EIF2AK2: variants seen among roughly 807,000 people sequenced by gnomAD.
EIF2AK2 encodes eukaryotic translation initiation factor 2 alpha kinase 2.
EIF2AK2 carries 40 observed loss-of-function variants against 70.5 expected under a neutral mutation model. The observed-to-expected ratio is 0.57, with a 90% confidence interval of 0.44 to 0.74. The LOEUF (loss-of-function observed/expected upper bound fraction) is 0.74. EIF2AK2 is among the 30% of genes least tolerant of loss of function. EIF2AK2 has a pLI of 0.00. For missense variants in EIF2AK2, 555 were observed against 644.3 expected (o/e 0.86, Z 1.50); for synonymous variants, 198 against 220.9 (o/e 0.90, Z 0.92).
At chr2:37,141,811 G>A (rs1675342712) in intron 4 of EIF2AK2, 110 bp from the exon 5 acceptor site, 1 of 1,162,254 alleles carries the variant, frequency 8.6e-7, no homozygotes, top group Admixed American at 3.0e-5. Context: ...AGACAACTTG[G>A]ATGTTATATA....
intron 14 of EIF2AK2, among the ~76,000 whole-genome samples, chr2:37,111,781 C>T (rs2148666089): frequency 7.0e-6 from 1 of 143,424 alleles, no homozygotes; most frequent in African/African-American, 2.6e-5. Context: ...TCACCTGAGC[C>T]AAGGAGGTCG....
Position 37,141,589 on chromosome 2 carries a change from T to A in EIF2AK2, c.353A>T (p.Tyr118Phe), listed in dbSNP as rs1427200626. 5.0e-6 allele frequency: 8 copies of A among 1,614,116 alleles called. No homozygotes were observed. The highest frequency in any genetic ancestry group is 6.8e-6 in the Non-Finnish European group (8 of 1,179,996). The change falls in exon 5 of 17, where the codon TAT becomes TTT. Residue 118 changes from tyrosine to phenylalanine, a missense_variant. By Grantham distance (22) the Tyr-to-Phe change is conservative (BLOSUM62 3). Coordinates refer to ENST00000233057, the MANE Select transcript of EIF2AK2 (RefSeq NM_001135651.3). ...ATGCACCCCCGATGCACACTGTTCATAATTTACAGTTAGTCTTTTCTTCTG... is the reference window on the plus strand; with the variant it reads ...ATGCACCCCCGATGCACACTGTTCAAAATTTACAGTTAGTCTTTTCTTCTG... ...IAQKKRLTVN[Y>F]EQCASGVHGP...
In EIF2AK2 at chr2:37,109,303, G is replaced by A. The variant is rs1362115566; in HGVS notation, c.1378-8C>T. On this transcript the variant is annotated splice_polypyrimidine_tract_variant and splice_region_variant and intron_variant, in intron 14 of 16. Coordinates refer to ENST00000233057, the MANE Select transcript of EIF2AK2 (RefSeq NM_001135651.3). Reference sequence around the variant, plus strand: ...ATAGTCTTGCGAAGAAATCTAAAGAGACCAAAATAGATTTACCTTTGTTAT... The same window carrying A: ...ATAGTCTTGCGAAGAAATCTAAAGAAACCAAAATAGATTTACCTTTGTTAT... 1.2e-6 allele frequency: 2 copies of A among 1,609,542 alleles called. No homozygotes were observed. Among genetic ancestry groups the A allele is most frequent in the Non-Finnish European group, 1.7e-6 (2 of 1,177,290 alleles).
rs577602659 is a variant in EIF2AK2, at chr2:37,119,837, C to CT, written c.1248+121dup. 2.1e-4 allele frequency: 99 copies of CT among 475,540 alleles called. 1 individual carries two copies. The East Asian group carries it at 5.1e-3, about 25-fold the overall frequency. The allele number at this position is 475,540 out of a possible 1,614,324, so 29.5% of individuals were successfully genotyped here. ...GAACTCATGACCTCAGATGATCTGC[C>CT]TGCCTCAGCCTCCCAAAGTGTTGAG... is the stretch of plus-strand genomic sequence containing the variant. On this transcript the variant is annotated intron_variant, in intron 13 of 16. Coordinates refer to ENST00000233057, the MANE Select transcript of EIF2AK2 (RefSeq NM_001135651.3).
At chr2:37,122,747 T>G (rs1674600240) in intron 11 of EIF2AK2, 83 bp from the exon 12 acceptor site, 1 of 1,531,054 alleles carries the variant, frequency 6.5e-7, no homozygotes, top group Admixed American at 1.8e-5. Flanking sequence ...AATAGACAAC[T>G]GTCTACATTC....
intron 11 of EIF2AK2, among the ~76,000 whole-genome samples, chr2:37,123,914 G>T (rs1185975318): frequency 1.3e-5 from 2 of 151,212 alleles, no homozygotes; most frequent in Admixed American, 1.3e-4. Context: ...ACACAAATTT[G>T]CAAAAATAAA....
intron 8 of EIF2AK2, among the ~76,000 whole-genome samples, chr2:37,137,305 A>G (rs1015494800): frequency 6.6e-6 from 1 of 152,202 alleles, no homozygotes; most frequent in African/African-American, 2.4e-5. Context: ...TTCTCTGAAT[A>G]TCTGTTTATA....
intron 8 of EIF2AK2, 84 bp downstream of exon 8, chr2:37,138,186 G>T (rs779519094): frequency 5.9e-6 from 6 of 1,022,848 alleles, no homozygotes; most frequent in Non-Finnish European, 7.3e-6. Context: ...TAAAAATTAT[G>T]GTGGAATACT....
At chr2:37,145,224 C>T (rs1429753090) in intron 4 of EIF2AK2, among the ~76,000 whole-genome samples, 2 of 148,328 alleles carry the variant, frequency 1.3e-5, no homozygotes, top group African/African-American at 5.0e-5. Flanking sequence ...CTCACTGCAA[C>T]CTCCGCTTCC....
chr2:37,133,490 C>T (rs1675019802), intron 10 of EIF2AK2, among the ~76,000 whole-genome samples: 1 of 152,134 alleles, frequency 6.6e-6, no homozygotes, highest in South Asian at 2.1e-4. Context: ...CCCCCTCACA[C>T]CAAAATGGAA....
chr2:37,128,221 C>T (rs1674812028), intron 10 of EIF2AK2, among the ~76,000 whole-genome samples: 1 of 152,120 alleles, frequency 6.6e-6, no homozygotes, highest in African/African-American at 2.4e-5. Flanking sequence ...ATGACCCGCC[C>T]CACTGATGCA....
chr2:37,131,302 A>G (rs1674931226), intron 10 of EIF2AK2, among the ~76,000 whole-genome samples: 1 of 152,128 alleles, frequency 6.6e-6, no homozygotes, highest in South Asian at 2.1e-4. Flanking sequence ...TATTAGCCCA[A>G]TCCATGGGAG....
intron 14 of EIF2AK2, among the ~76,000 whole-genome samples, 198 bp downstream of exon 14, chr2:37,114,533 G>A (rs932971158): frequency 6.6e-6 from 1 of 152,026 alleles, no homozygotes; most frequent in East Asian, 1.9e-4. Context: ...ATTTGTGTTT[G>A]TATGTTTTTA....
intron 2 of EIF2AK2, chr2:37,148,388 A>G (rs1324718492): frequency 3.1e-6 from 1 of 321,018 alleles, no homozygotes. Context: ...ACAGGCTGGG[A>G]AATGAACGGG....
At chr2:37,154,183 G>A (rs963160939) in intron 1 of EIF2AK2, among the ~76,000 whole-genome samples, 7 of 151,946 alleles carry the variant, frequency 4.6e-5, no homozygotes, top group South Asian at 4.1e-4. Context: ...AAAATTAGCC[G>A]GGGTGGTGGC....
intron 1 of EIF2AK2, among the ~76,000 whole-genome samples, chr2:37,155,161 T>C (rs1241103181): frequency 2.0e-5 from 3 of 152,122 alleles, no homozygotes. Context: ...CTGTCCAACC[T>C]GCTCCCTCCT....
At chr2:37,156,824 C>T (rs1409106683) in intron 1 of EIF2AK2, 84 bp downstream of exon 1, 1 of 155,266 alleles carries the variant, frequency 6.4e-6, no homozygotes, top group East Asian at 1.9e-4. Flanking sequence ...GCGAGTCCCG[C>T]CCCGGCTGGG....
intron 10 of EIF2AK2, among the ~76,000 whole-genome samples, chr2:37,133,012 A>G (rs1019140966): frequency 1.3e-5 from 2 of 152,172 alleles, no homozygotes; most frequent in Admixed American, 6.5e-5. Context: ...TTTCAATCTG[A>G]TAATGGTCCT....
intron 1 of EIF2AK2, among the ~76,000 whole-genome samples, chr2:37,155,877 G>T (rs1480354642): frequency 6.6e-6 from 1 of 151,018 alleles, no homozygotes; most frequent in Non-Finnish European, 1.5e-5. Context: ...AGAGGCAGAG[G>T]TTGCAGTGAG....
Sources: gnomAD v4.1 joint callset for allele counts (sites outside exome capture counted in the v4.1 genomes callset) on GRCh38, gnomAD v4.1.1 for gene constraint, MANE v1.5 for transcripts, NCBI Gene and HGNC (gene_info 2026-07-23, HGNC 2026-07-21) for gene names.